The following SORCS1 variants were observed in gnomAD, a reference collection of about 807,000 sequenced individuals.
SORCS1 encodes VPS10 domain-containing receptor SorCS1.
In SORCS1, 60 loss-of-function variants were observed where a neutral mutation model predicts 146.1. The observed-to-expected ratio is 0.41, with a 90% confidence interval of 0.33 to 0.51. The LOEUF (loss-of-function observed/expected upper bound fraction) is 0.51, where lower values mean the gene tolerates loss of function less well. Ranked by LOEUF, SORCS1 falls within the 20% of genes least tolerant of loss-of-function variation. SORCS1 has a pLI of 0.21. For synonymous variants in SORCS1, 637 were observed against 584.0 expected, an observed-to-expected ratio of 1.09 and a Z score of -1.31; for missense variants, 1,352 against 1,487.6, an observed-to-expected ratio of 0.91 and a Z score of 1.50.
intron 2 of SORCS1, among the ~76,000 whole-genome samples, chr10:106,927,533 G>A (rs1953122708): frequency 6.6e-6 from 1 of 152,158 alleles, no homozygotes; most frequent in Non-Finnish European, 1.5e-5. Flanking sequence ...AAGGGGACAT[G>A]AGCGGGTTGC....
chr10:107,008,005 T>G (rs1208415300), intron 1 of SORCS1, among the ~76,000 whole-genome samples: 1 of 150,870 alleles, frequency 6.6e-6, no homozygotes, highest in East Asian at 1.9e-4. Context: ...TGTCTAAAGA[T>G]TTATTTATTT....
rs61213760 is a variant in SORCS1, at chr10:106,910,314, TGA to T, written c.626+46197_626+46198del. ...GTGTGTGTGTGTGTGTGTGTGTGTG[TGA>T]GACAGTATATATATATAGAGAGTGA... On this transcript the variant is annotated intron_variant, in intron 2 of 25. Transcript: ENST00000263054. Among the ~76,000 whole-genome samples, 1,091 of 126,744 alleles carry T rather than the reference TGA, an allele frequency of 8.6e-3. 29 individuals are homozygous for T. Among genetic ancestry groups the T allele is most frequent in the African/African-American group, 0.037 (1,041 of 28,000 alleles). The allele number at this position is 126,744 out of a possible 152,430, so 83.1% of individuals were successfully genotyped here. A position where few individuals can be genotyped will look rare whatever the true frequency, so the allele number is the denominator to read the frequency against.
rs543216504 is a variant in SORCS1, at chr10:107,125,983, C to T, written c.558+37986G>A. On this transcript the variant is annotated intron_variant, in intron 1 of 25. Coordinates refer to ENST00000263054, the MANE Select transcript of SORCS1 (RefSeq NM_052918.5). Reference sequence around the variant, plus strand: ...CTAAGGTGATTTTCCAGTAAGCTAACGTGTTGGGCAAATGTCTGTAACACG... The same window carrying T: ...CTAAGGTGATTTTCCAGTAAGCTAATGTGTTGGGCAAATGTCTGTAACACG... Among the ~76,000 whole-genome samples the T allele has an allele frequency of 1.1e-3, 161 of 152,246 alleles. 4 individuals are homozygous for T. In the South Asian group the frequency reaches 0.027, roughly 25 times the overall value.
chr10:106,588,579 G>T (rs1845384037), intron 24 of SORCS1, among the ~76,000 whole-genome samples: 1 of 151,956 alleles, frequency 6.6e-6, no homozygotes, highest in Non-Finnish European at 1.5e-5. Context: ...AAGATTCCTG[G>T]GGCCGGGCGC....
intron 2 of SORCS1, among the ~76,000 whole-genome samples, chr10:106,895,073 T>C (rs1951414135): frequency 6.6e-6 from 1 of 152,204 alleles, no homozygotes; most frequent in South Asian, 2.1e-4. Context: ...TTTCATACTG[T>C]ACTCACCCTA....
intron 1 of SORCS1, among the ~76,000 whole-genome samples, chr10:107,163,242 G>T (rs1165483366): frequency 6.6e-6 from 1 of 152,204 alleles, no homozygotes; most frequent in Non-Finnish European, 1.5e-5. Context: ...GGCAATGGGG[G>T]AGAACAGGGA....
chr10:106,630,315 T>C (rs1564797373), intron 18 of SORCS1, among the ~76,000 whole-genome samples: 2 of 152,342 alleles, frequency 1.3e-5, no homozygotes, highest in East Asian at 3.9e-4. Context: ...TGATCTCATG[T>C]TATTCTTCAC....
intron 2 of SORCS1, among the ~76,000 whole-genome samples, chr10:106,840,863 A>ATT (rs59611702): frequency 1.4e-4 from 17 of 124,156 alleles, no homozygotes; most frequent in African/African-American, 4.8e-4. Context: ...ATATATATAT[A>ATT]TTTTTTTTTT....
intron 2 of SORCS1, among the ~76,000 whole-genome samples, chr10:106,844,948 A>G (rs1018208532): frequency 4.7e-5 from 7 of 148,678 alleles, no homozygotes; most frequent in African/African-American, 7.4e-5. Context: ...TCCATGGTGT[A>G]TATTTGCCAC....
chr10:106,976,338 T>TTTTGTTTTG (rs1564878011), intron 1 of SORCS1, among the ~76,000 whole-genome samples: 14 of 133,812 alleles, frequency 1.0e-4, no homozygotes, highest in African/African-American at 4.7e-4. Flanking sequence ...TTTTTGTTTT[T>TTTTGTTTTG]TTTTTTTTTT....
chr10:107,012,448 A>C (rs549051993), intron 1 of SORCS1, among the ~76,000 whole-genome samples: 2 of 152,366 alleles, frequency 1.3e-5, no homozygotes, highest in East Asian at 3.9e-4. Flanking sequence ...GATAATAAAT[A>C]ATAATAGCTA....
intron 1 of SORCS1, among the ~76,000 whole-genome samples, chr10:107,014,837 T>C (rs1384661499): frequency 6.6e-6 from 1 of 152,252 alleles, no homozygotes; most frequent in Non-Finnish European, 1.5e-5. Flanking sequence ...TTTGATGAGT[T>C]TGAATATGTA....
Position 106,606,272 on chromosome 10 carries a change from T to TACAC in SORCS1, c.3165+893_3165+894insGTGT, listed in dbSNP as rs1278722607. On this transcript the variant is annotated intron_variant, in intron 23 of 25. Coordinates refer to ENST00000263054, the MANE Select transcript of SORCS1 (RefSeq NM_052918.5). ...AGAATCACACAAATACACACACAGA[T>TACAC]ATACACACACACACACACACACACA... Among the ~76,000 whole-genome samples, 216 of 107,832 alleles carry TACAC rather than the reference T, an allele frequency of 2.0e-3. 2 individuals carry two copies. The highest frequency in any genetic ancestry group is 0.012 in the East Asian group (47 of 4,046). 70.7% of individuals were successfully genotyped at this position (107,832 alleles called of 152,430 possible).
At chr10:106,853,025 G>T (rs532109990) in intron 2 of SORCS1, among the ~76,000 whole-genome samples, 1 of 152,264 alleles carries the variant, frequency 6.6e-6, no homozygotes, top group East Asian at 1.9e-4. Context: ...TCTGTATTCT[G>T]CAAGAGTTTG....
intron 5 of SORCS1, among the ~76,000 whole-genome samples, chr10:106,731,573 G>A (rs1040597946): frequency 4.6e-5 from 7 of 152,114 alleles, no homozygotes; most frequent in Admixed American, 4.6e-4. Context: ...TGTTAAATAT[G>A]TCTCATTTAC....
At chr10:107,058,464 G>C (rs1445534555) in intron 1 of SORCS1, among the ~76,000 whole-genome samples, 1 of 152,162 alleles carries the variant, frequency 6.6e-6, no homozygotes, top group Non-Finnish European at 1.5e-5. Flanking sequence ...CCTAGAACGT[G>C]TTAGTATATT....
intron 1 of SORCS1, among the ~76,000 whole-genome samples, chr10:106,971,564 G>T (rs916801622): frequency 3.9e-5 from 6 of 152,200 alleles, no homozygotes; most frequent in African/African-American, 1.4e-4. Context: ...CCTCTTGAAA[G>T]CTTAGGCTGA....
intron 2 of SORCS1, among the ~76,000 whole-genome samples, chr10:106,889,437 C>T (rs1325891095): frequency 6.6e-6 from 1 of 152,104 alleles, no homozygotes; most frequent in Non-Finnish European, 1.5e-5. Context: ...CAAAAGAGAG[C>T]CCCAGGTAAT....
intron 1 of SORCS1, among the ~76,000 whole-genome samples, chr10:107,132,718 A>G (rs1241469485): frequency 2.0e-5 from 3 of 152,246 alleles, no homozygotes; most frequent in Non-Finnish European, 4.4e-5. Flanking sequence ...CATTCAAACA[A>G]TCGATGTGCT....
Sources: allele counts gnomAD v4.1 joint callset (sites outside exome capture counted in the v4.1 genomes callset), GRCh38; gene constraint gnomAD v4.1.1; transcripts MANE v1.5; gene names NCBI Gene and HGNC (gene_info 2026-07-23, HGNC 2026-07-21).